Variants in PDE10A observed in about 807,000 individuals in gnomAD.
PDE10A encodes the protein phosphodiesterase 10A.
Under a neutral mutation model 97.7 loss-of-function variants are expected in PDE10A, and 39 were observed. That is an observed-to-expected ratio of 0.40 (90% CI 0.31 to 0.52). The LOEUF is 0.52. Among genes scored for constraint, PDE10A ranks in the 20% least tolerant of loss-of-function variants. The pLI, the probability that PDE10A is intolerant of heterozygous loss-of-function variation, is 0.56. For synonymous variants in PDE10A, 371 were observed against 376.8 expected (o/e 0.98, Z 0.18); for missense variants, 731 against 1,047.8 (o/e 0.70, Z 4.17).
intron 1 of PDE10A, among the ~76,000 whole-genome samples, chr6:165,622,911 G>A (rs1788213006): frequency 6.6e-6 from 1 of 152,132 alleles, no homozygotes; most frequent in Admixed American, 6.5e-5. Context: ...CTGTCTTCAT[G>A]ATAGTGAGTT....
chr6:165,566,004 T>C (rs79105783), intron 1 of PDE10A, among the ~76,000 whole-genome samples: 15,035 of 151,962 alleles, frequency 0.099, 1,294 homozygotes, highest in African/African-American at 0.24. Flanking sequence ...GGAGAAAATA[T>C]AGATGAACCT....
intron 1 of PDE10A, among the ~76,000 whole-genome samples, chr6:165,964,573 T>A (rs1237973382): frequency 6.6e-6 from 1 of 152,172 alleles, no homozygotes; most frequent in Admixed American, 6.5e-5. Context: ...AGTCACGATC[T>A]CTCTCATCAT....
In PDE10A at chr6:165,662,012, A is replaced by G; in HGVS notation, c.800T>C (p.Met267Thr). Residue 267 changes from methionine (M) to threonine (T), a missense_variant, in exon 1 of 22, where the codon ATG (methionine) becomes ACG (threonine). This residue lies in a region of PDE10A where 181 missense variants were observed against 159.1 expected (regional missense o/e 1.14). Coordinates refer to ENST00000539869, the MANE Select transcript of PDE10A (RefSeq NM_001385079.1). ...AAAALLFGSD[M>T]EDGPSNNASC... The stretch of plus-strand genomic sequence containing the variant: ...CGCATTATTAGAAGGTCCATCTTCC[A>G]TGTCGGAGCCGAAGAGCAGCGCGGC... The G allele has an allele frequency of 1.3e-6, 2 of 1,499,256 alleles. No homozygotes were observed. Among genetic ancestry groups the G allele is most frequent in the Non-Finnish European group, 1.8e-6 (2 of 1,110,530 alleles). The allele number at this position is 1,499,256 out of a possible 1,614,324, so 92.9% of individuals were successfully genotyped here.
At chr6:165,458,656 T>G (rs1778104395) in intron 3 of PDE10A, among the ~76,000 whole-genome samples, 1 of 151,858 alleles carries the variant, frequency 6.6e-6, no homozygotes, top group Non-Finnish European at 1.5e-5. Flanking sequence ...TCTCCACACA[T>G]GGACAGGCGC....
chr6:165,604,241 G>A (rs1007439914), intron 1 of PDE10A, among the ~76,000 whole-genome samples: 1 of 152,156 alleles, frequency 6.6e-6, no homozygotes, highest in African/African-American at 2.4e-5. Context: ...AGCGCTGGGA[G>A]GTTACGGACC....
At chr6:165,887,966 C>T (rs1562783266) in intron 1 of PDE10A, among the ~76,000 whole-genome samples, 6 of 152,190 alleles carry the variant, frequency 3.9e-5, no homozygotes, top group Admixed American at 2.0e-4. Context: ...TCTTACCTCA[C>T]CCTGTTCCAT....
chr6:165,490,203 A>C (rs1780149733), intron 2 of PDE10A, among the ~76,000 whole-genome samples: 1 of 152,232 alleles, frequency 6.6e-6, no homozygotes, highest in African/African-American at 2.4e-5. Flanking sequence ...CAAGAGCAGC[A>C]GGTAACCTAT....
At chr6:165,768,573 T>C (rs1020432080) in intron 1 of PDE10A, among the ~76,000 whole-genome samples, 12 of 152,286 alleles carry the variant, frequency 7.9e-5, no homozygotes, top group African/African-American at 2.9e-4. Context: ...TTTGAACACC[T>C]ACAGGAAGAA....
chr6:165,872,662 TG>T (rs1343429630), intron 1 of PDE10A, among the ~76,000 whole-genome samples: 5 of 151,686 alleles, frequency 3.3e-5, no homozygotes, highest in Non-Finnish European at 7.4e-5. Flanking sequence ...TTTTTTTTGT[TG>T]TTGTTGTTTG....
Position 165,392,652 on chromosome 6 carries a change from G to T in PDE10A, c.2448C>A (p.Asp816Glu), listed in dbSNP as rs759136844. The change falls in exon 16 of 22, where the codon GAC becomes GAA. Residue 816 changes from aspartate to glutamate, a missense_variant. Transcript: ENST00000539869. ...GTAAAGAGTGCACACCCACCTCAAG[G>T]TCTGTGAAAAGCGTGTGATTGTTCT... ...ILQNNHTLFT[D>E]LERKGLLIAC... The T allele has an allele frequency of 1.9e-6, 3 of 1,613,594 alleles. No homozygotes were observed. In the Admixed American group the frequency reaches 5.0e-5, roughly 27 times the overall value.
intron 1 of PDE10A, among the ~76,000 whole-genome samples, chr6:165,871,372 T>G (rs1481132089): frequency 1.3e-5 from 2 of 152,116 alleles, no homozygotes; most frequent in Non-Finnish European, 2.9e-5. Flanking sequence ...GCTACAGATG[T>G]TTTGGACATG....
intron 1 of PDE10A, among the ~76,000 whole-genome samples, chr6:165,717,445 G>C (rs1383637001): frequency 6.6e-6 from 1 of 152,140 alleles, no homozygotes; most frequent in African/African-American, 2.4e-5. Flanking sequence ...TTAGCTGGGC[G>C]TGGTGGCTTG....
At chr6:165,820,089 A>G (rs1276324037) in intron 1 of PDE10A, among the ~76,000 whole-genome samples, 1 of 152,232 alleles carries the variant, frequency 6.6e-6, no homozygotes, top group Non-Finnish European at 1.5e-5. Flanking sequence ...ACTAAAAGTG[A>G]CTTAGAAAAA....
At chr6:165,463,079 T>C (rs1233001498) in intron 3 of PDE10A, among the ~76,000 whole-genome samples, 6 of 152,220 alleles carry the variant, frequency 3.9e-5, no homozygotes. Context: ...CATTACTAAT[T>C]GGTCCCCTAA....
intron 3 of PDE10A, among the ~76,000 whole-genome samples, chr6:165,451,657 A>G (rs561532924): frequency 6.6e-6 from 1 of 152,310 alleles, no homozygotes; most frequent in South Asian, 2.1e-4. Flanking sequence ...TGTTTTCTTG[A>G]GCACTATACT....
intron 3 of PDE10A, among the ~76,000 whole-genome samples, chr6:165,463,820 C>T (rs1383578268): frequency 6.6e-6 from 1 of 152,210 alleles, no homozygotes; most frequent in Non-Finnish European, 1.5e-5. Flanking sequence ...AATACCTGGC[C>T]CGCCCAGGGC....
intron 1 of PDE10A, among the ~76,000 whole-genome samples, chr6:165,804,541 C>T (rs906463601): frequency 6.6e-6 from 1 of 152,100 alleles, no homozygotes; most frequent in African/African-American, 2.4e-5. Flanking sequence ...GAAACGAGGC[C>T]AGGAAGAAGA....
chr6:165,386,227 C>T (rs1283868325), intron 17 of PDE10A, among the ~76,000 whole-genome samples: 1 of 152,152 alleles, frequency 6.6e-6, no homozygotes, highest in African/African-American at 2.4e-5. Context: ...GCCAAGTCTT[C>T]CTAGGGTTTA....
Position 165,971,541 on chromosome 6 carries a change from G to A in PDE10A, c.-615+15988C>T, listed in dbSNP as rs1489130580. 3.3e-5 allele frequency among the ~76,000 whole-genome samples: 5 copies of A among 152,096 alleles called. 1 individual carries two copies. The East Asian group carries it at 9.6e-4, about 29-fold the overall frequency. ...GAAACATGTGACTGTGCGACTGTAC[G>A]TTTCATTTTCATTTCTCTCTTGGTC... On this transcript the variant is annotated intron_variant, in intron 1 of 19. Transcript: ENST00000366882.
Sources: allele counts gnomAD v4.1 joint callset (sites outside exome capture counted in the v4.1 genomes callset), GRCh38; gene constraint gnomAD v4.1.1; regional missense constraint gnomAD v4.1.1; transcripts MANE v1.5; gene names NCBI Gene and HGNC (gene_info 2026-07-23, HGNC 2026-07-21).